The following CSMD1 variants were observed in gnomAD, a reference collection of about 807,000 sequenced individuals.
The protein encoded by CSMD1 is CUB and Sushi multiple domains 1, also known as CUB and sushi domain-containing protein 1.
Under a neutral mutation model 417.5 loss-of-function variants are expected in CSMD1, and 213 were observed. That is an observed-to-expected ratio of 0.51 (90% CI 0.46 to 0.57). The LOEUF (loss-of-function observed/expected upper bound fraction) is 0.57. Among genes scored for constraint, CSMD1 ranks in the 20% least tolerant of loss-of-function variants. The pLI is 0.00. For missense variants in CSMD1, 6,923 were observed against 4,529.7 expected (o/e 1.53, Z -15.17); for synonymous variants, 2,862 against 1,736.8 (o/e 1.65, Z -16.11).
At chr8:4,152,334 G>A (rs995291274) in intron 3 of CSMD1, among the ~76,000 whole-genome samples, 2 of 152,044 alleles carry the variant, frequency 1.3e-5, no homozygotes, top group East Asian at 1.9e-4. Context: ...AATATTTACA[G>A]AAATCAGGTA....
At chr8:4,602,952 A>T (rs993748273) in intron 2 of CSMD1, among the ~76,000 whole-genome samples, 9 of 152,026 alleles carry the variant, frequency 5.9e-5, no homozygotes, top group Non-Finnish European at 1.2e-4. Context: ...ATAAAAATAG[A>T]TAAAAAAGAA....
chr8:4,916,314 T>C (rs1392037380), intron 1 of CSMD1, among the ~76,000 whole-genome samples: 6 of 152,224 alleles, frequency 3.9e-5, no homozygotes, highest in Non-Finnish European at 7.3e-5. Context: ...TCAGCAGATA[T>C]TGTTGACAAT....
chr8:4,390,619 T>C (rs967080672), intron 3 of CSMD1, among the ~76,000 whole-genome samples: 8 of 152,018 alleles, frequency 5.3e-5, no homozygotes, highest in African/African-American at 1.2e-4. Context: ...ACTCACGCCA[T>C]TCTCCTGCCT....
At chr8:3,174,020 T>C (rs1455583828) in intron 37 of CSMD1, among the ~76,000 whole-genome samples, 1 of 152,162 alleles carries the variant, frequency 6.6e-6, no homozygotes, top group African/African-American at 2.4e-5. Context: ...TGTTTTGAGA[T>C]GAGGAAATGA....
chr8:3,806,326 A>C (rs6998128), intron 5 of CSMD1, among the ~76,000 whole-genome samples: 58,773 of 152,058 alleles, frequency 0.39, 11,699 homozygotes, highest in East Asian at 0.47. Context: ...TAATTAATAG[A>C]TTCTTTACAA....
intron 1 of CSMD1, among the ~76,000 whole-genome samples, chr8:4,698,450 T>C (rs1347154286): frequency 6.6e-6 from 1 of 152,120 alleles, no homozygotes; most frequent in Non-Finnish European, 1.5e-5. Context: ...TTCGCAAACT[T>C]TCATGCTTAT....
chr8:4,852,722 G>C (rs1001533713), intron 1 of CSMD1, among the ~76,000 whole-genome samples: 3 of 152,138 alleles, frequency 2.0e-5, no homozygotes, highest in African/African-American at 2.4e-5. Flanking sequence ...GAGATCCTTA[G>C]AAACTGGTTA....
chr8:4,594,195 C>CTTTTTTGTTTTTTTTTTTT (rs1800139506), intron 2 of CSMD1, among the ~76,000 whole-genome samples: 1 of 92,374 alleles, frequency 1.1e-5, no homozygotes, highest in Non-Finnish European at 2.1e-5. Flanking sequence ...CTAAAGTGAT[C>CTTTTTTGTTTTTTTTTTTT]TTTTTTTTTT....
intron 18 of CSMD1, among the ~76,000 whole-genome samples, chr8:3,382,662 G>T (rs980146208): frequency 1.3e-5 from 2 of 148,494 alleles, no homozygotes; most frequent in Non-Finnish European, 1.5e-5. Context: ...GATATAAAAT[G>T]TATCTGCATA....
chr8:4,334,034 G>C (rs947791488), intron 3 of CSMD1, among the ~76,000 whole-genome samples: 1 of 151,892 alleles, frequency 6.6e-6, no homozygotes, highest in Non-Finnish European at 1.5e-5. Context: ...GGGACCACAG[G>C]CACCCACCAC....
intron 5 of CSMD1, among the ~76,000 whole-genome samples, chr8:3,787,036 A>G (rs74743751): frequency 0.052 from 7,871 of 152,262 alleles, 416 homozygotes; most frequent in African/African-American, 0.13. Flanking sequence ...AGTAACTTCT[A>G]TGTGTGAAGT....
chr8:3,796,562 T>G (rs575642028), intron 5 of CSMD1, among the ~76,000 whole-genome samples: 379 of 146,018 alleles, frequency 2.6e-3, no homozygotes, highest in Middle Eastern at 0.013. Flanking sequence ...ATGATAGATA[T>G]ATATCTATAT....
At chr8:3,888,582 T>C (rs556011614) in intron 5 of CSMD1, among the ~76,000 whole-genome samples, 91 of 152,254 alleles carry the variant, frequency 6.0e-4, no homozygotes, top group Non-Finnish European at 1.1e-3. Flanking sequence ...GCTGAGCTAA[T>C]AATGGCCCAG....
At chr8:4,812,968 C>G (rs1466918950) in intron 1 of CSMD1, among the ~76,000 whole-genome samples, 1 of 152,114 alleles carries the variant, frequency 6.6e-6, no homozygotes, top group Non-Finnish European at 1.5e-5. Flanking sequence ...TAAACAATTC[C>G]ACAAAAATAG....
chr8:3,389,689 A>G (rs1368461138), intron 17 of CSMD1, among the ~76,000 whole-genome samples: 1 of 152,126 alleles, frequency 6.6e-6, no homozygotes, highest in African/African-American at 2.4e-5. Context: ...TGAAATTTAT[A>G]AACCATAAAC....
intron 5 of CSMD1, among the ~76,000 whole-genome samples, chr8:3,958,646 C>T (rs892342762): frequency 1.2e-4 from 19 of 152,160 alleles, no homozygotes; most frequent in Non-Finnish European, 2.5e-4. Context: ...TTGTAAAATA[C>T]AAATTAGCCT....
intron 4 of CSMD1, among the ~76,000 whole-genome samples, chr8:4,002,009 C>T (rs1246023466): frequency 6.6e-6 from 1 of 151,824 alleles, no homozygotes; most frequent in Non-Finnish European, 1.5e-5. Flanking sequence ...ATAATATATG[C>T]AAGATATATT....
rs1305096595 is a variant in CSMD1 at position 3,262,257 on chromosome 8, C to T, written c.4153+21887G>A. 4.1e-5 allele frequency among the ~76,000 whole-genome samples: 5 copies of T among 122,142 alleles called. 1 individual carries two copies. The highest frequency in any genetic ancestry group is 1.8e-4 in the Admixed American group (2 of 10,920). 80.1% of individuals were successfully genotyped at this position (122,142 alleles called of 152,430 possible). A position where few individuals can be genotyped will look rare whatever the true frequency, so the allele number is the denominator to read the frequency against. ...CACACACATAGTTAATTTCAAAATT[C>T]CGAGAGGTTAAAACATTGCCAATAA... On this transcript the variant is annotated intron_variant, in intron 26 of 69. Transcript: ENST00000635120.
At chr8:4,860,285 T>G in intron 1 of CSMD1, among the ~76,000 whole-genome samples, 1 of 138,858 alleles carries the variant, frequency 7.2e-6, no homozygotes, top group Admixed American at 7.1e-5. Flanking sequence ...GGGGGAGGGA[T>G]AGCATTAGGA....
Sources: allele counts gnomAD v4.1 joint callset (sites outside exome capture counted in the v4.1 genomes callset), GRCh38; gene constraint gnomAD v4.1.1; transcripts MANE v1.5; gene names NCBI Gene and HGNC (gene_info 2026-07-23, HGNC 2026-07-21).